Variants in AGMO observed in about 807,000 individuals in gnomAD.
AGMO encodes alkylglycerol monooxygenase.
In AGMO, 75 loss-of-function variants were observed where a neutral mutation model predicts 60.2. That is an observed-to-expected ratio of 1.25 (90% confidence interval 1.03 to 1.51). AGMO has a LOEUF of 1.51. AGMO is among the 40% of genes most tolerant of loss of function. The pLI, the probability that AGMO is intolerant of heterozygous loss-of-function variation, is 0.00. For missense variants in AGMO, 763 were observed against 525.5 expected (o/e 1.45, Z -4.42); for synonymous variants, 261 against 177.1 (o/e 1.47, Z -3.76).
the AGMO span, among the ~76,000 whole-genome samples, chr7:15,193,604 A>G: frequency 2.0e-5 from 3 of 152,146 alleles, no homozygotes; most frequent in East Asian, 1.9e-4. Context: ...ATCAATTTCA[A>G]TATCTCCCTG....
intron 3 of AGMO, among the ~76,000 whole-genome samples, chr7:15,491,990 G>C (rs1391579034): frequency 6.6e-6 from 1 of 152,202 alleles, no homozygotes; most frequent in Non-Finnish European, 1.5e-5. Context: ...CAGTTTGAAA[G>C]TAAAAGATAG....
chr7:15,352,963 T>G (rs1349664428), intron 12 of AGMO, among the ~76,000 whole-genome samples: 4 of 152,112 alleles, frequency 2.6e-5, no homozygotes, highest in African/African-American at 9.7e-5. Context: ...GGCCATCTTG[T>G]TACTGCATGG....
At position 15,229,697 on chromosome 7, in the gene AGMO, ATTAT is replaced by A. The variant is rs1307953051; in HGVS notation, c.1264-28342_1264-28339del. ...CGAAGTATACACATATATATAACTA[ATTAT>A]TTATATATATATTATATTATATATA... is the stretch of plus-strand genomic sequence containing the variant. On this transcript the variant is annotated intron_variant, in intron 12 of 12. Coordinates refer to ENST00000342526, the MANE Select transcript of AGMO (RefSeq NM_001004320.2). Among the ~76,000 whole-genome samples the A allele has an allele frequency of 2.8e-5, 4 of 141,144 alleles. No individual in the cohort carries two copies. In the Admixed American group the frequency reaches 2.9e-4, roughly 10 times the overall value. 92.6% of individuals were successfully genotyped at this position (141,144 alleles called of 152,430 possible).
chr7:15,490,563 G>T (rs1354151690), intron 3 of AGMO, among the ~76,000 whole-genome samples: 1 of 152,036 alleles, frequency 6.6e-6, no homozygotes, highest in Non-Finnish European at 1.5e-5. Context: ...CAGGAACTTG[G>T]TTTTATGCCT....
At chr7:15,418,284 C>G (rs189051334) in intron 5 of AGMO, among the ~76,000 whole-genome samples, 1,742 of 151,850 alleles carry the variant, frequency 0.011, 14 homozygotes, top group Middle Eastern at 0.071. Context: ...AACTGTAATA[C>G]AGGAAGATAT....
At chr7:15,487,918 G>C (rs531973196) in intron 3 of AGMO, among the ~76,000 whole-genome samples, 1 of 152,144 alleles carries the variant, frequency 6.6e-6, no homozygotes, top group South Asian at 2.1e-4. Flanking sequence ...ATCATCTCCT[G>C]AGAAAAATAA....
At chr7:15,343,224 C>G (rs1207878564) in intron 12 of AGMO, among the ~76,000 whole-genome samples, 1 of 152,108 alleles carries the variant, frequency 6.6e-6, no homozygotes, top group East Asian at 1.9e-4. Flanking sequence ...TATTATGCCC[C>G]TTTAATGACA....
chr7:15,241,320 C>T (rs1401159978), intron 12 of AGMO, among the ~76,000 whole-genome samples: 5 of 150,750 alleles, frequency 3.3e-5, no homozygotes, highest in African/African-American at 7.3e-5. Flanking sequence ...ATTAGCCGGG[C>T]GTGGTGGTGG....
At chr7:15,354,385 T>TGTATATAGACGC (rs1563105151) in intron 12 of AGMO, among the ~76,000 whole-genome samples, 1 of 9,670 alleles carries the variant, frequency 1.0e-4, no homozygotes, top group Non-Finnish European at 1.8e-4. Flanking sequence ...TGTATACACG[T>TGTATATAGACGC]GTGTGTATAC....
rs1234830007 is a variant in AGMO at position 15,406,927 on chromosome 7, A to ACG, written c.609+11629_609+11630dup. Among the ~76,000 whole-genome samples the ACG allele has an allele frequency of 5.5e-3, 698 of 126,924 alleles. 37 individuals are homozygous for ACG. Among genetic ancestry groups the ACG allele is most frequent in the African/African-American group, 0.02 (628 of 31,660 alleles). The allele number at this position is 126,924 out of a possible 152,430, so 83.3% of individuals were successfully genotyped here. On this transcript the variant is annotated intron_variant, in intron 5 of 12. Transcript: ENST00000342526. ...AAAGGCCCCTTTGTTTGGAATACAC[A>ACG]CGCGCACACACACACACACACACAC...
At position 15,523,495 on chromosome 7, in the gene AGMO, T is replaced by C. The variant is rs546860374; in HGVS notation, c.409+21277A>G. ...GGCACATATACACCATGGAATACTATGCAGTCATAAAAAATAATGAGTTTA... is the reference window on the plus strand; with the variant it reads ...GGCACATATACACCATGGAATACTACGCAGTCATAAAAAATAATGAGTTTA... On this transcript the variant is annotated intron_variant, in intron 3 of 12. Coordinates refer to ENST00000342526, the MANE Select transcript of AGMO (RefSeq NM_001004320.2). Among the ~76,000 whole-genome samples the C allele has an allele frequency of 4.6e-5, 7 of 152,292 alleles. No individual in the cohort carries two copies. The East Asian group carries it at 7.7e-4, about 17-fold the overall frequency.
chr7:15,374,134 C>CTGAAATCATAACCCACATTCTTTCAG (rs1783344853), intron 10 of AGMO, among the ~76,000 whole-genome samples: 4 of 151,626 alleles, frequency 2.6e-5, no homozygotes, highest in African/African-American at 9.8e-5. Flanking sequence ...TCCAATGTGA[C>CTGAAATCATAACCCACATTCTTTCAG]ACCATACTGC....
chr7:15,448,917 T>C (rs1200332789), intron 3 of AGMO, among the ~76,000 whole-genome samples: 1 of 152,158 alleles, frequency 6.6e-6, no homozygotes. Flanking sequence ...ATTGTCACTG[T>C]TTTAAGGAAG....
At chr7:15,528,413 G>T (rs1407458984) in intron 3 of AGMO, among the ~76,000 whole-genome samples, 1 of 152,002 alleles carries the variant, frequency 6.6e-6, no homozygotes, top group East Asian at 1.9e-4. Context: ...AAGTACACTT[G>T]TGTTACCATA....
At position 15,383,300 on chromosome 7, in the gene AGMO, T is replaced by A. The variant is rs191430969; in HGVS notation, c.1074+2146A>T. 2.8e-4 allele frequency among the ~76,000 whole-genome samples: 43 copies of A among 152,218 alleles called. No homozygotes were observed. In the East Asian group the frequency reaches 6.4e-3, roughly 23 times the overall value. On this transcript the variant is annotated intron_variant, in intron 10 of 12. Transcript: ENST00000342526. ...CATAGCTGTAGGAAGTAAAGAAGATTCCTGATGACATTATTTGCCCTCTTG... is the reference window on the plus strand; with the variant it reads ...CATAGCTGTAGGAAGTAAAGAAGATACCTGATGACATTATTTGCCCTCTTG...
the AGMO span, among the ~76,000 whole-genome samples, chr7:15,186,719 T>C: frequency 6.6e-6 from 1 of 152,216 alleles, no homozygotes; most frequent in African/African-American, 2.4e-5. Context: ...AACTAAAGGT[T>C]AGGCAATTCA....
At position 15,407,233 on chromosome 7, in the gene AGMO, A is replaced by G. The variant is rs1583519427; in HGVS notation, c.609+11325T>C. On this transcript the variant is annotated intron_variant, in intron 5 of 12. Transcript: ENST00000342526. ...TGAAAGGCCCCTTTCTTTGGAATAC[A>G]TATATATATATATATATGTATATAC... is the stretch of plus-strand genomic sequence containing the variant. Among the ~76,000 whole-genome samples the G allele has an allele frequency of 8.6e-5, 4 of 46,744 alleles. 1 individual carries two copies. In the South Asian group the frequency reaches 2.1e-3, roughly 24 times the overall value. 30.7% of individuals were successfully genotyped at this position (46,744 alleles called of 152,430 possible). A position where few individuals can be genotyped will look rare whatever the true frequency, so the allele number is the denominator to read the frequency against.
intron 12 of AGMO, among the ~76,000 whole-genome samples, chr7:15,286,362 A>G (rs1291536220): frequency 1.3e-5 from 2 of 152,152 alleles, no homozygotes; most frequent in African/African-American, 4.8e-5. Flanking sequence ...AAAGAGCTCA[A>G]ATAAATCAGC....
the AGMO span, among the ~76,000 whole-genome samples, chr7:15,130,121 GTTTTA>G: frequency 1.3e-4 from 20 of 152,038 alleles, no homozygotes; most frequent in Non-Finnish European, 2.2e-4. Flanking sequence ...TAGAAATATA[GTTTTA>G]TTTTATTATA....
Sources: gnomAD v4.1 joint callset for allele counts (sites outside exome capture counted in the v4.1 genomes callset) on GRCh38, gnomAD v4.1.1 for gene constraint, MANE v1.5 for transcripts, NCBI Gene and HGNC (gene_info 2026-07-23, HGNC 2026-07-21) for gene names.